Variants in JARID2 observed in about 807,000 individuals in gnomAD.
JARID2 encodes jumonji and AT-rich interaction domain containing 2.
Under a neutral mutation model 125.6 loss-of-function variants are expected in JARID2, and 21 were observed. The observed-to-expected ratio is 0.17, with a 90% CI of 0.12 to 0.24. The LOEUF is 0.24. Ranked by LOEUF, JARID2 falls within the 10% of genes least tolerant of loss-of-function variation. The pLI, the probability that JARID2 is intolerant of heterozygous loss-of-function variation, is 1.00. For missense variants in JARID2, 1,303 were observed against 1,639.6 expected (o/e 0.79, Z 3.55); for synonymous variants, 736 against 661.6 (o/e 1.11, Z -1.73).
At chr6:15,283,000 ACGGAGT>A (rs1365314570) in intron 1 of JARID2, among the ~76,000 whole-genome samples, 1 of 149,772 alleles carries the variant, frequency 6.7e-6, no homozygotes, top group Admixed American at 6.7e-5. Flanking sequence ...TTTTTTTGAG[ACGGAGT>A]CTCACTCTGT....
At chr6:15,247,672 G>T in intron 1 of JARID2, 9 of 985,202 alleles carry the variant, frequency 9.1e-6, no homozygotes, top group Non-Finnish European at 1.1e-5. Flanking sequence ...AATGAGAGAT[G>T]ACCTTCGGGG....
chr6:15,448,691 C>G (rs1767782238), intron 3 of JARID2, among the ~76,000 whole-genome samples: 1 of 152,082 alleles, frequency 6.6e-6, no homozygotes, highest in Non-Finnish European at 1.5e-5. Flanking sequence ...GAAGGAAAGC[C>G]TCATGGGAAA....
intron 1 of JARID2, among the ~76,000 whole-genome samples, chr6:15,272,619 C>A (rs944495492): frequency 2.0e-5 from 3 of 152,148 alleles, no homozygotes; most frequent in African/African-American, 7.2e-5. Flanking sequence ...AGGGTTGGAC[C>A]CCCCTACCAC....
intron 1 of JARID2, among the ~76,000 whole-genome samples, chr6:15,271,455 A>T (rs926861770): frequency 2.0e-5 from 3 of 152,204 alleles, no homozygotes; most frequent in Admixed American, 1.3e-4. Flanking sequence ...CAACCTGAGC[A>T]TCGAAGGGTA....
intron 1 of JARID2, among the ~76,000 whole-genome samples, chr6:15,329,211 A>C (rs943824287): frequency 1.3e-5 from 2 of 150,312 alleles, no homozygotes; most frequent in South Asian, 2.1e-4. Flanking sequence ...TTTTGGTATC[A>C]CCCCAAGCCT....
intron 16 of JARID2, among the ~76,000 whole-genome samples, chr6:15,516,370 G>A (rs765662112): frequency 2.4e-4 from 36 of 152,198 alleles, no homozygotes; most frequent in Admixed American, 1.3e-4. Flanking sequence ...GGAGCCCTCC[G>A]GCAGAAGCCA....
At chr6:15,370,846 G>T (rs1764141635) in intron 1 of JARID2, among the ~76,000 whole-genome samples, 1 of 152,162 alleles carries the variant, frequency 6.6e-6, no homozygotes, top group African/African-American at 2.4e-5. Flanking sequence ...GATTCACCAT[G>T]ACCCTACAGT....
At chr6:15,289,561 A>C (rs1174701965) in intron 1 of JARID2, among the ~76,000 whole-genome samples, 4 of 152,112 alleles carry the variant, frequency 2.6e-5, no homozygotes, top group African/African-American at 9.7e-5. Flanking sequence ...TAAAAAAAAA[A>C]AACCATGTTT....
chr6:15,487,248 A>G lies in JARID2; in HGVS notation c.671-59A>G, dbSNP rs1390631404. ...GGACACAGAGCCAAACCATATCAGT[A>G]GTTTGCGTGGTAGTGGTCAAGGTAG... On this transcript the variant is annotated intron_variant, in intron 5 of 17. Coordinates refer to ENST00000341776, the MANE Select transcript of JARID2 (RefSeq NM_004973.4). The G allele has an allele frequency of 5.0e-6, 7 of 1,388,076 alleles. No homozygotes were observed. In the East Asian group the frequency reaches 1.7e-4, roughly 33 times the overall value. 86.0% of individuals were successfully genotyped at this position (1,388,076 alleles called of 1,614,324 possible).
At chr6:15,322,009 C>G (rs748556000) in intron 1 of JARID2, among the ~76,000 whole-genome samples, 2 of 151,760 alleles carry the variant, frequency 1.3e-5, no homozygotes, top group South Asian at 4.2e-4. Context: ...GCCAGGCTGG[C>G]CTCAAACTCC....
Position 15,362,515 on chromosome 6 carries a change from G to A in JARID2, c.46-11602G>A, listed in dbSNP as rs188741483. Among the ~76,000 whole-genome samples, 5 of 152,310 alleles carry A rather than the reference G, an allele frequency of 3.3e-5. No individual in the cohort carries two copies. In the East Asian group the frequency reaches 7.7e-4, roughly 23 times the overall value. Reference sequence around the variant, plus strand: ...CATTTGTTTGGACACGGGGTCTGACGATGAGAGCTTTTGCCCCTATGAGAT... The same window carrying A: ...CATTTGTTTGGACACGGGGTCTGACAATGAGAGCTTTTGCCCCTATGAGAT... On this transcript the variant is annotated intron_variant, in intron 1 of 17. Transcript: ENST00000341776.
At chr6:15,410,059 G>C (rs1356857425) in intron 2 of JARID2, among the ~76,000 whole-genome samples, 165 bp from the exon 3 acceptor site, 1 of 152,194 alleles carries the variant, frequency 6.6e-6, no homozygotes, top group Non-Finnish European at 1.5e-5. Flanking sequence ...CTCATAGAAT[G>C]AGGTTTTGCT....
At chr6:15,425,758 A>G (rs1766698736) in intron 3 of JARID2, among the ~76,000 whole-genome samples, 1 of 152,250 alleles carries the variant, frequency 6.6e-6, no homozygotes, top group South Asian at 2.1e-4. Flanking sequence ...ATTCTGTAAT[A>G]GAAGCCTCAA....
chr6:15,313,558 C>A (rs794791), intron 1 of JARID2, among the ~76,000 whole-genome samples: 67,595 of 152,024 alleles, frequency 0.44, 15,792 homozygotes, highest in African/African-American at 0.59. Context: ...TTCACATCTA[C>A]GCAGGCTGTT....
chr6:15,459,672 A>G (rs1443045456), intron 4 of JARID2, among the ~76,000 whole-genome samples: 1 of 152,186 alleles, frequency 6.6e-6, no homozygotes, highest in Non-Finnish European at 1.5e-5. Context: ...AATAGAAGAG[A>G]CAGCCAACCT....
intron 5 of JARID2, among the ~76,000 whole-genome samples, chr6:15,485,084 A>G (rs1008571841): frequency 1.3e-5 from 2 of 152,228 alleles, no homozygotes; most frequent in Non-Finnish European, 2.9e-5. Flanking sequence ...TACTTAGAAT[A>G]AATGCCAGCC....
chr6:15,497,208 C>T (rs1225427556), intron 7 of JARID2, 38 bp downstream of exon 7: 28 of 1,443,034 alleles, frequency 1.9e-5, no homozygotes, highest in Non-Finnish European at 2.4e-5. Context: ...GGTGCCTGCC[C>T]TCCTGCCCCC....
In JARID2 at chr6:15,360,858, G is replaced by A. The variant is rs147111140; in HGVS notation, c.46-13259G>A. Among the ~76,000 whole-genome samples the A allele has an allele frequency of 3.3e-5, 5 of 151,832 alleles. No homozygotes were observed. The East Asian group carries it at 9.6e-4, about 29-fold the overall frequency. Reference sequence around the variant, plus strand: ...CCCAAAGGCTCTGAAAACCTTGTTAGCCAAAAAAAGGCACAGCAAGGTCCG... The same window carrying A: ...CCCAAAGGCTCTGAAAACCTTGTTAACCAAAAAAAGGCACAGCAAGGTCCG... On this transcript the variant is annotated intron_variant, in intron 1 of 17. Coordinates refer to ENST00000341776, the MANE Select transcript of JARID2 (RefSeq NM_004973.4).
intron 1 of JARID2, among the ~76,000 whole-genome samples, chr6:15,353,698 C>T (rs910153760): frequency 1.3e-5 from 2 of 151,930 alleles, no homozygotes; most frequent in African/African-American, 4.8e-5. Flanking sequence ...CCCCTTCAAC[C>T]AATACTCTAC....
Sources: gnomAD v4.1 joint callset for allele counts (sites outside exome capture counted in the v4.1 genomes callset) on GRCh38, gnomAD v4.1.1 for gene constraint, MANE v1.5 for transcripts, NCBI Gene and HGNC (gene_info 2026-07-23, HGNC 2026-07-21) for gene names.